Variants in NALF1 observed in about 807,000 individuals in gnomAD.
NALF1 encodes family with sequence similarity 155 member A.
A neutral mutation model predicts 48.4 loss-of-function variants in NALF1; 3 were observed. The ratio of observed to expected loss-of-function variants is 0.06; its 90% CI spans 0.03 to 0.16. NALF1 has a LOEUF of 0.16. Among genes scored for constraint, NALF1 ranks in the 10% least tolerant of loss-of-function variants. The pLI, the probability that NALF1 is intolerant of heterozygous loss-of-function variation, is 1.00. For synonymous variants in NALF1, 262 were observed against 245.7 expected (o/e 1.07, Z -0.62); for missense variants, 526 against 571.5 (o/e 0.92, Z 0.81).
In NALF1 at chr13:107,422,962, C is replaced by T. The variant is rs142482099; in HGVS notation, c.916-212207G>A. Among the ~76,000 whole-genome samples, 413 of 152,220 alleles carry T rather than the reference C, an allele frequency of 2.7e-3. 3 individuals carry two copies. The highest frequency in any genetic ancestry group is 9.5e-3 in the African/African-American group (396 of 41,528). ...ATGAATGCTTTCCTAGAGCGTCCAA[C>T]AGGACTGCAATCCTGCCGACACCTA... On this transcript the variant is annotated intron_variant, in intron 1 of 2. Coordinates refer to ENST00000375915, the MANE Select transcript of NALF1 (RefSeq NM_001080396.3).
intron 1 of NALF1, among the ~76,000 whole-genome samples, chr13:107,319,707 A>AT (rs1882217687): frequency 6.6e-6 from 1 of 152,138 alleles, no homozygotes; most frequent in Non-Finnish European, 1.5e-5. Context: ...GAAGGTTTAA[A>AT]TTACTTTTCC....
At chr13:107,370,307 A>G (rs1883226564) in intron 1 of NALF1, among the ~76,000 whole-genome samples, 1 of 152,220 alleles carries the variant, frequency 6.6e-6, no homozygotes, top group South Asian at 2.1e-4. Flanking sequence ...TCCCGCCCCA[A>G]AACAGGCTGC....
chr13:107,255,588 A>C (rs185893111), intron 1 of NALF1, among the ~76,000 whole-genome samples: 1 of 152,338 alleles, frequency 6.6e-6, no homozygotes, highest in African/African-American at 2.4e-5. Flanking sequence ...ATTTTGATAT[A>C]AACGAATGGA....
intron 1 of NALF1, among the ~76,000 whole-genome samples, chr13:107,782,027 C>A (rs1236466031): frequency 6.6e-6 from 1 of 152,020 alleles, no homozygotes; most frequent in Non-Finnish European, 1.5e-5. Flanking sequence ...AATCTTCTCT[C>A]CCTCTCCCTC....
At chr13:107,315,691 T>C (rs1184780826) in intron 1 of NALF1, among the ~76,000 whole-genome samples, 1 of 151,970 alleles carries the variant, frequency 6.6e-6, no homozygotes, top group Non-Finnish European at 1.5e-5. Context: ...GCCATGAACA[T>C]TTTTGCAGTT....
At chr13:107,309,226 T>C (rs1881998205) in intron 1 of NALF1, among the ~76,000 whole-genome samples, 1 of 152,246 alleles carries the variant, frequency 6.6e-6, no homozygotes, top group Non-Finnish European at 1.5e-5. Context: ...AAGGAACACC[T>C]GTCTTTGGTG....
At chr13:107,750,918 A>G (rs1416175798) in intron 1 of NALF1, among the ~76,000 whole-genome samples, 1 of 152,220 alleles carries the variant, frequency 6.6e-6, no homozygotes, top group Non-Finnish European at 1.5e-5. Context: ...CAACATAGAA[A>G]GCTTCACTTA....
chr13:107,523,169 A>G (rs1363019182), intron 1 of NALF1, among the ~76,000 whole-genome samples: 1 of 152,120 alleles, frequency 6.6e-6, no homozygotes, highest in African/African-American at 2.4e-5. Flanking sequence ...ACTGGATATC[A>G]TAAGGAGGGA....
intron 2 of NALF1, among the ~76,000 whole-genome samples, chr13:107,179,963 C>T (rs866266600): frequency 2.1e-5 from 3 of 143,404 alleles, no homozygotes; most frequent in Admixed American, 1.4e-4. Context: ...CTAGTATGGC[C>T]TCATTTTAAC....
At position 107,167,968 on chromosome 13, in the gene NALF1, C is replaced by T. The variant is rs371630645; in HGVS notation, c.*2529G>A. On this transcript the variant is annotated 3_prime_UTR_variant, in exon 3 of 3. Transcript: ENST00000375915. ...TATTTTAAGGAATACTGCTTTTCGT[C>T]ATTTTGCTAAGTGTTTAGAAAGAAT... 6.6e-6 allele frequency: 1 copy of T among 152,186 alleles called. No homozygotes were observed. The highest frequency in any genetic ancestry group is 2.1e-4 in the South Asian group (1 of 4,828). 9.4% of individuals were successfully genotyped at this position (152,186 alleles called of 1,614,324 possible).
intron 1 of NALF1, among the ~76,000 whole-genome samples, chr13:107,698,848 T>C (rs1881754885): frequency 6.6e-6 from 1 of 152,104 alleles, no homozygotes; most frequent in Non-Finnish European, 1.5e-5. Context: ...CCCCTCCTTT[T>C]TCTTTCTGTC....
chr13:107,580,892 C>G (rs1187251800), intron 1 of NALF1, among the ~76,000 whole-genome samples: 1 of 151,982 alleles, frequency 6.6e-6, no homozygotes, highest in Non-Finnish European at 1.5e-5. Flanking sequence ...AGCCAAGGAA[C>G]AAAAAGAAAG....
At chr13:107,224,676 T>C (rs1302057698) in intron 1 of NALF1, among the ~76,000 whole-genome samples, 3 of 152,084 alleles carry the variant, frequency 2.0e-5, no homozygotes, top group Admixed American at 6.6e-5. Context: ...TTTCATTCAA[T>C]TGCAAATATA....
chr13:107,200,261 C>T (rs1879483653), intron 2 of NALF1, among the ~76,000 whole-genome samples: 1 of 152,150 alleles, frequency 6.6e-6, no homozygotes, highest in African/African-American at 2.4e-5. Context: ...TCAGGATTAG[C>T]CAGAGGAAGC....
intron 2 of NALF1, among the ~76,000 whole-genome samples, chr13:107,194,059 T>C (rs1472703637): frequency 9.8e-6 from 1 of 101,722 alleles, no homozygotes; most frequent in Non-Finnish European, 1.9e-5. Context: ...TATCTATCTA[T>C]ATATCAATCT....
At chr13:107,496,885 A>G (rs1171192372) in intron 1 of NALF1, among the ~76,000 whole-genome samples, 1 of 152,160 alleles carries the variant, frequency 6.6e-6, no homozygotes, top group Non-Finnish European at 1.5e-5. Flanking sequence ...ACAGCATAGG[A>G]AAAACCTGCT....
intron 1 of NALF1, among the ~76,000 whole-genome samples, chr13:107,376,638 A>G (rs1883344775): frequency 6.6e-6 from 1 of 152,170 alleles, no homozygotes; most frequent in Admixed American, 6.5e-5. Flanking sequence ...GAGTCCACGA[A>G]TTATGTCCAG....
intron 1 of NALF1, among the ~76,000 whole-genome samples, chr13:107,622,439 C>CA (rs1316550773): frequency 7.7e-6 from 1 of 130,596 alleles, no homozygotes; most frequent in South Asian, 2.6e-4. Context: ...AAAACTGTCT[C>CA]AAAAAAACAA....
chr13:107,865,744 C>G lies in NALF1; in HGVS notation c.853G>C (p.Val285Leu), dbSNP rs1294280626. The part of the protein sequence containing the change: ...AQEKYEEFES[V>L]LHKYLQSEEY... ...TCCGACTGTAAATATTTGTGGAGCA[C>G]GCTTTCAAACTCTTCGTATTTCTCC... The change falls in exon 1 of 3, where the codon GTG (valine) becomes CTG (leucine). Residue 285 changes from valine (V) to leucine (L), a missense_variant. Around this residue, in one of 2 missense-constraint regions of NALF1, gnomAD observed 153 missense variants for 215.9 expected, o/e 0.71. Coordinates refer to ENST00000375915, the MANE Select transcript of NALF1 (RefSeq NM_001080396.3). The G allele has an allele frequency of 6.2e-7, 1 of 1,614,036 alleles. No homozygotes were observed. Among genetic ancestry groups the G allele is most frequent in the South Asian group, 1.1e-5 (1 of 91,076 alleles).
Sources: allele counts gnomAD v4.1 joint callset (sites outside exome capture counted in the v4.1 genomes callset), GRCh38; gene constraint gnomAD v4.1.1; regional missense constraint gnomAD v4.1.1; transcripts MANE v1.5; gene names NCBI Gene and HGNC (gene_info 2026-07-23, HGNC 2026-07-21).